The following EPB41L4A variants were observed in gnomAD, a reference collection of about 807,000 sequenced individuals.
The protein encoded by EPB41L4A is band 4.1-like protein 4A.
In EPB41L4A, 100 loss-of-function variants were observed where a neutral mutation model predicts 108.6. The observed-to-expected ratio is 0.92, with a 90% CI of 0.78 to 1.09. The LOEUF (loss-of-function observed/expected upper bound fraction) is 1.09. EPB41L4A is among the 50% of genes least tolerant of loss of function. The pLI, the probability that EPB41L4A is intolerant of heterozygous loss-of-function variation, is 0.00. For synonymous variants in EPB41L4A, 319 were observed against 289.0 expected (o/e 1.10, Z -1.05); for missense variants, 1,030 against 842.7 (o/e 1.22, Z -2.75).
At chr5:112,203,662 A>C (rs2150294684) in intron 15 of EPB41L4A, among the ~76,000 whole-genome samples, 1 of 152,346 alleles carries the variant, frequency 6.6e-6, no homozygotes, top group Non-Finnish European at 1.5e-5. Flanking sequence ...TGTGCTTTAA[A>C]AGGCGTTTTT....
At chr5:112,367,270 C>G (rs1759177318) in intron 1 of EPB41L4A, among the ~76,000 whole-genome samples, 3 of 152,206 alleles carry the variant, frequency 2.0e-5, no homozygotes, top group Admixed American at 1.3e-4. Flanking sequence ...CAGTACTGCA[C>G]CTCATATCTG....
chr5:112,284,176 G>A (rs981415681), intron 2 of EPB41L4A, among the ~76,000 whole-genome samples: 17 of 152,194 alleles, frequency 1.1e-4, no homozygotes, highest in African/African-American at 4.1e-4. Context: ...AAGGGAAGTA[G>A]TCCATTCAGT....
chr5:112,217,392 C>T (rs1460507921), intron 12 of EPB41L4A, among the ~76,000 whole-genome samples: 1 of 152,168 alleles, frequency 6.6e-6, no homozygotes, highest in Non-Finnish European at 1.5e-5. Flanking sequence ...CAAAAGGCAG[C>T]CAGATTCCTG....
At chr5:112,360,014 C>G (rs1758617042) in intron 1 of EPB41L4A, among the ~76,000 whole-genome samples, 1 of 152,084 alleles carries the variant, frequency 6.6e-6, no homozygotes, top group Non-Finnish European at 1.5e-5. Context: ...AATATTTTAT[C>G]CAGGCTAACA....
chr5:112,314,439 G>A (rs1029670195), intron 1 of EPB41L4A, among the ~76,000 whole-genome samples: 32 of 147,334 alleles, frequency 2.2e-4, no homozygotes, highest in Admixed American at 2.7e-4. Context: ...ACGTCGAGGC[G>A]GGTGGATCAC....
intron 18 of EPB41L4A, among the ~76,000 whole-genome samples, chr5:112,176,743 CTTTTTTT>C (rs59150913): frequency 2.6e-4 from 17 of 65,854 alleles, no homozygotes; most frequent in Non-Finnish European, 4.6e-4. Flanking sequence ...ACCAGAGCAA[CTTTTTTT>C]TTTTTTTTTT....
chr5:112,315,559 T>C lies in EPB41L4A; in HGVS notation c.100-8069A>G, dbSNP rs533250276. Among the ~76,000 whole-genome samples, 12 of 152,354 alleles carry C rather than the reference T, an allele frequency of 7.9e-5. No individual in the cohort carries two copies. In the East Asian group the frequency reaches 2.3e-3, roughly 29 times the overall value. The stretch of plus-strand genomic sequence containing the variant: ...CTGACCAGATCCATGTATTTTGTTA[T>C]ATCACCTGATACACAGAGATTCAGT... On this transcript the variant is annotated intron_variant, in intron 1 of 22. Coordinates refer to ENST00000261486, the MANE Select transcript of EPB41L4A (RefSeq NM_022140.5).
At chr5:112,181,786 C>T (rs888808122) in intron 18 of EPB41L4A, among the ~76,000 whole-genome samples, 20 of 152,134 alleles carry the variant, frequency 1.3e-4, no homozygotes, top group African/African-American at 4.6e-4. Context: ...GATATCAGAA[C>T]AGTGGACCAG....
At chr5:112,287,716 G>A (rs1433200549) in intron 2 of EPB41L4A, among the ~76,000 whole-genome samples, 1 of 152,190 alleles carries the variant, frequency 6.6e-6, no homozygotes, top group African/African-American at 2.4e-5. Flanking sequence ...CTTAAGGAGA[G>A]TATTGGTAGA....
At chr5:112,184,872 G>A (rs1208769343) in intron 17 of EPB41L4A, among the ~76,000 whole-genome samples, 1 of 152,072 alleles carries the variant, frequency 6.6e-6, no homozygotes, top group Non-Finnish European at 1.5e-5. Context: ...CCCAAATCTG[G>A]ATTCTTAAAG....
At chr5:112,293,059 T>C (rs2150540372) in intron 2 of EPB41L4A, among the ~76,000 whole-genome samples, 1 of 152,330 alleles carries the variant, frequency 6.6e-6, no homozygotes, top group East Asian at 1.9e-4. Context: ...CTAGCATACC[T>C]ACGTACCTGG....
In EPB41L4A at chr5:112,163,191, T is replaced by C. The variant is rs1760021115; in HGVS notation, c.*1799A>G. ...GTAAAATTAGTGAAATAAGATCGTT[T>C]ATAGTTGGATGACAGAGCCAACTAG... On this transcript the variant is annotated 3_prime_UTR_variant, in exon 23 of 23. Transcript: ENST00000261486. The C allele has an allele frequency of 3.3e-5, 5 of 152,226 alleles. No individual in the cohort carries two copies. Among genetic ancestry groups the C allele is most frequent in the African/African-American group, 9.7e-5 (4 of 41,440 alleles). The allele number at this position is 152,226 out of a possible 1,614,324, so 9.4% of individuals were successfully genotyped here. A position where few individuals can be genotyped will look rare whatever the true frequency, so the allele number is the denominator to read the frequency against.
chr5:112,242,035 G>A (rs1424323758), intron 9 of EPB41L4A, among the ~76,000 whole-genome samples: 2 of 152,128 alleles, frequency 1.3e-5, no homozygotes, highest in South Asian at 2.1e-4. Flanking sequence ...TTGGTGGAAG[G>A]TACTGCCTCA....
At chr5:112,373,279 CG>C (rs1468179007) in intron 1 of EPB41L4A, among the ~76,000 whole-genome samples, 3 of 152,146 alleles carry the variant, frequency 2.0e-5, no homozygotes, top group Admixed American at 6.5e-5. Flanking sequence ...CTGACAGAAC[CG>C]GAAGTTGCTA....
At chr5:112,410,641 T>C (rs888302998) in intron 1 of EPB41L4A, among the ~76,000 whole-genome samples, 5 of 152,036 alleles carry the variant, frequency 3.3e-5, no homozygotes, top group African/African-American at 4.8e-5. Context: ...CCCTCCCCCA[T>C]GTAGCCACTG....
chr5:112,346,614 T>A (rs1016490790), intron 1 of EPB41L4A, among the ~76,000 whole-genome samples: 14 of 152,270 alleles, frequency 9.2e-5, no homozygotes, highest in African/African-American at 3.4e-4. Flanking sequence ...AAACTTTGAG[T>A]ATAGATCATT....
chr5:112,372,819 A>C (rs1439491830), intron 1 of EPB41L4A, among the ~76,000 whole-genome samples: 1 of 152,168 alleles, frequency 6.6e-6, no homozygotes, highest in Non-Finnish European at 1.5e-5. Flanking sequence ...GAAATAGAGG[A>C]AACAGATAGG....
At chr5:112,274,256 TG>T (rs1338278191) in intron 4 of EPB41L4A, among the ~76,000 whole-genome samples, 6 of 152,150 alleles carry the variant, frequency 3.9e-5, no homozygotes, top group African/African-American at 1.4e-4. Context: ...CTCTAGCCTG[TG>T]TGACAGAGCG....
intron 15 of EPB41L4A, among the ~76,000 whole-genome samples, chr5:112,197,930 G>C (rs1217481212): frequency 6.6e-6 from 1 of 152,148 alleles, no homozygotes; most frequent in African/African-American, 2.4e-5. Context: ...AAACAATTAT[G>C]GTTATCTGGG....
Sources: allele counts gnomAD v4.1 joint callset (sites outside exome capture counted in the v4.1 genomes callset), GRCh38; gene constraint gnomAD v4.1.1; transcripts MANE v1.5; gene names NCBI Gene and HGNC (gene_info 2026-07-23, HGNC 2026-07-21).